The following TAF1D variants were observed in gnomAD, a reference collection of about 807,000 sequenced individuals.
The protein encoded by TAF1D is TATA box-binding protein-associated factor RNA polymerase I subunit D.
Under a neutral mutation model 26.2 loss-of-function variants are expected in TAF1D, and 23 were observed. The ratio of observed to expected loss-of-function variants is 0.88; its 90% CI spans 0.63 to 1.25. TAF1D has a LOEUF of 1.25. Among genes scored for constraint, TAF1D ranks in the 50% most tolerant of loss-of-function variants. The pLI is 0.00. For synonymous variants in TAF1D, 100 were observed against 105.6 expected, an observed-to-expected ratio of 0.95 and a Z score of 0.33; for missense variants, 299 against 322.0, an observed-to-expected ratio of 0.93 and a Z score of 0.55.
At chr11:93,730,518 T>TATC (rs1425508396) in exon 12 of TAF1D, 1 of 704,044 alleles carries the variant, frequency 1.4e-6, no homozygotes, top group African/African-American at 1.7e-5. Flanking sequence ...TTACGTTTTA[T>TATC]ATCTCCTCAG....
chr11:93,732,238 T>A, downstream of TAF1D: 1 of 476,682 alleles, frequency 2.1e-6, no homozygotes, highest in Non-Finnish European at 4.2e-6. Flanking sequence ...AAACAGAGAA[T>A]CTTACCTTTT....
downstream of TAF1D, chr11:93,732,597 T>C (rs1224700088): frequency 1.6e-5 from 6 of 382,628 alleles, no homozygotes; most frequent in East Asian, 1.9e-4. Flanking sequence ...GTACAATAAT[T>C]TGAGCTTTTT....
At chr11:93,740,242 T>C (rs544838324) in intron 1 of TAF1D, among the ~76,000 whole-genome samples, 1 of 151,564 alleles carries the variant, frequency 6.6e-6, no homozygotes, top group African/African-American at 2.4e-5. Context: ...AGCTTGTATG[T>C]AGTGAGCCTC....
intron 5 of TAF1D, 54 bp downstream of exon 5, chr11:93,736,640 A>G: frequency 6.3e-7 from 1 of 1,598,732 alleles, no homozygotes; most frequent in Non-Finnish European, 8.5e-7. Context: ...TTCCTTCTGT[A>G]TCAACCAACT....
In TAF1D at chr11:93,738,477, AGCT is replaced by A. The variant is rs1459063113; in HGVS notation, c.88_90del (p.Ser30del). On this transcript the variant is annotated inframe_deletion, in exon 3 of 6. Transcript: ENST00000448108. The stretch of plus-strand genomic sequence containing the variant: ...TAAGGGATACACTGAGTTTTAAATA[AGCT>A]GCTATCAGAAGAGTTATCACTAGAA... 6.3e-7 allele frequency: 1 copy of A among 1,577,082 alleles called. No homozygotes were observed. Among genetic ancestry groups the A allele is most frequent in the Non-Finnish European group, 8.6e-7 (1 of 1,167,580 alleles).
chr11:93,736,827 A>G (rs1334479367), intron 4 of TAF1D, 76 bp from the exon 5 acceptor site: 2 of 1,475,354 alleles, frequency 1.4e-6, no homozygotes, highest in Non-Finnish European at 1.9e-6. Context: ...ACTCTGAAAT[A>G]TAACTGAAAC....
intron 1 of TAF1D, 126 bp from the exon 2 acceptor site, chr11:93,739,457 T>G (rs1565245073): frequency 3.5e-6 from 2 of 571,242 alleles, no homozygotes; most frequent in Non-Finnish European, 6.0e-6. Context: ...AGGTTAAGCT[T>G]CTTATCCATT....
At chr11:93,735,173 G>A (rs1940466236), downstream of TAF1D, 1 of 1,351,734 alleles carries the variant, frequency 7.4e-7, no homozygotes, top group Admixed American at 1.9e-5. Flanking sequence ...TGCAAAAGAG[G>A]ATTTATTTTT....
In TAF1D at chr11:93,739,220, T is replaced by G. The variant is rs1410459659; in HGVS notation, c.68+17A>C. ...TCTCATAATTCAGATACAATAAACA[T>G]GATTGAATCCACTCACCTTCGATTT... is the stretch of plus-strand genomic sequence containing the variant. On this transcript the variant is annotated intron_variant, in intron 2 of 5. Coordinates refer to ENST00000448108, the MANE Select transcript of TAF1D (RefSeq NM_024116.4). 1.3e-6 allele frequency: 2 copies of G among 1,581,490 alleles called. No homozygotes were observed. The highest frequency in any genetic ancestry group is 3.4e-5 in the Admixed American group (2 of 58,726).
chr11:93,732,023 G>A, downstream of TAF1D: 1 of 517,940 alleles, frequency 1.9e-6, no homozygotes, highest in Non-Finnish European at 3.8e-6. Context: ...AGGTCTCATT[G>A]TCACCACTGC....
downstream of TAF1D, chr11:93,733,838 T>C (rs1240552631): frequency 6.0e-6 from 1 of 166,540 alleles, no homozygotes; most frequent in African/African-American, 2.4e-5. Flanking sequence ...TACACATAAA[T>C]AACAAAGTCT....
At chr11:93,735,508 T>TA (rs925005257), downstream of TAF1D, 3 of 433,890 alleles carry the variant, frequency 6.9e-6, no homozygotes, top group Admixed American at 1.2e-4. Flanking sequence ...CTGTCTCTAC[T>TA]AAAAAAACAA....
At chr11:93,732,170 C>T (rs371953885), downstream of TAF1D, 13 of 510,718 alleles carry the variant, frequency 2.5e-5, no homozygotes, top group South Asian at 8.5e-5. Flanking sequence ...TGTATTTGTA[C>T]GAAGTTCTTG....
In TAF1D at chr11:93,735,747, T is replaced by C; in HGVS notation, c.*414A>G. The C allele has an allele frequency of 9.6e-7, 1 of 1,040,940 alleles. No individual in the cohort carries two copies. Among genetic ancestry groups the C allele is most frequent in the Non-Finnish European group, 1.2e-6 (1 of 864,812 alleles). 64.5% of individuals were successfully genotyped at this position (1,040,940 alleles called of 1,614,324 possible). A position where few individuals can be genotyped will look rare whatever the true frequency, so the allele number is the denominator to read the frequency against. ...CAATACTAAGCATCTGACAGGTCACTTGTCATGGCTGAACAAAGCTGGGAT... is the reference window on the plus strand; with the variant it reads ...CAATACTAAGCATCTGACAGGTCACCTGTCATGGCTGAACAAAGCTGGGAT... On this transcript the variant is annotated 3_prime_UTR_variant, in exon 6 of 6. Transcript: ENST00000448108.
chr11:93,737,972 G>A (rs958573901), intron 3 of TAF1D, 137 bp downstream of exon 3: 1 of 892,088 alleles, frequency 1.1e-6, no homozygotes, highest in Non-Finnish European at 1.6e-6. Context: ...TGGACTTTAG[G>A]GGTAAGTCAG....
At chr11:93,731,191 A>G (rs1938630934), downstream of TAF1D, 1 of 436,518 alleles carries the variant, frequency 2.3e-6, no homozygotes, top group Non-Finnish European at 4.4e-6. Context: ...TAATATGGAT[A>G]TACTGATGAA....
intron 2 of TAF1D, chr11:93,738,918 T>C: frequency 2.7e-6 from 1 of 370,622 alleles, no homozygotes; most frequent in Non-Finnish European, 4.8e-6. Flanking sequence ...AAAGGCTGTA[T>C]GGTTCGGTTC....
chr11:93,732,043 A>T (rs1939136132), downstream of TAF1D: 1 of 518,704 alleles, frequency 1.9e-6, no homozygotes, highest in African/African-American at 1.9e-5. Flanking sequence ...CAATATGCAT[A>T]CTGTGATGGA....
chr11:93,735,310 A>G (rs1171722505), downstream of TAF1D: 1 of 1,234,094 alleles, frequency 8.1e-7, no homozygotes, highest in African/African-American at 1.6e-5. Flanking sequence ...CGGGGTAATG[A>G]CTGGTTCTCC....
Sources: gnomAD v4.1 joint callset for allele counts (sites outside exome capture counted in the v4.1 genomes callset) on GRCh38, gnomAD v4.1.1 for gene constraint, MANE v1.5 for transcripts, NCBI Gene and HGNC (gene_info 2026-07-23, HGNC 2026-07-21) for gene names.